Variants in FGFR3 observed in about 807,000 individuals in gnomAD.
The protein encoded by FGFR3 is FGFR-3.
Under a neutral mutation model 82.9 loss-of-function variants are expected in FGFR3, and 25 were observed. The observed-to-expected ratio is 0.30, with a 90% confidence interval of 0.22 to 0.42. The LOEUF is 0.42. FGFR3 is among the 10% of genes least tolerant of loss of function. The pLI, the probability that FGFR3 is intolerant of heterozygous loss-of-function variation, is 1.00. For missense variants in FGFR3, 1,026 were observed against 1,161.0 expected, an observed-to-expected ratio of 0.88 and a Z score of 1.69; for synonymous variants, 620 against 516.0, an observed-to-expected ratio of 1.20 and a Z score of -2.73.
chr4:1,803,210 C>T, intron 7 of FGFR3: 1 of 995,758 alleles, frequency 1.0e-6, no homozygotes, highest in South Asian at 2.2e-5. Context: ...AGGCTGGCAG[C>T]TCCAGCCTCC....
At chr4:1,802,636 G>C (rs1333692800) in intron 7 of FGFR3, among the ~76,000 whole-genome samples, 2 of 152,132 alleles carry the variant, frequency 1.3e-5, no homozygotes, top group East Asian at 3.9e-4. Context: ...GCCGCCTCGG[G>C]CCCTGTCCAG....
intron 8 of FGFR3, among the ~76,000 whole-genome samples, 169 bp downstream of exon 8, chr4:1,804,005 G>A (rs553488866): frequency 6.3e-4 from 96 of 152,322 alleles, no homozygotes; most frequent in African/African-American, 2.1e-3. Flanking sequence ...GGCCTGGCCC[G>A]GTCCTGGTCC....
chr4:1,802,654 G>T (rs1316005264), intron 7 of FGFR3, among the ~76,000 whole-genome samples: 1 of 152,038 alleles, frequency 6.6e-6, no homozygotes, highest in Non-Finnish European at 1.5e-5. Flanking sequence ...CAGGGTGCAG[G>T]TTCTGCAAGA....
intron 7 of FGFR3, chr4:1,802,777 C>T: frequency 8.8e-7 from 1 of 1,141,956 alleles, no homozygotes; most frequent in Non-Finnish European, 1.2e-6. Flanking sequence ...TGAAGTGCCT[C>T]CACGCCTCCT....
In FGFR3 at chr4:1,807,173, C is replaced by CCCAGCT. The variant is rs1400426017; in HGVS notation, c.2341_2346dup (p.Ser782_Ser783dup). On this transcript the variant is annotated inframe_insertion, in exon 18 of 18. Coordinates refer to ENST00000440486, the MANE Select transcript of FGFR3 (RefSeq NM_000142.5). ...GTACTCCCCGGGTGGCCAGGACACCCCCAGCTCCAGCTCCTCAGGGGACGA... is the reference window on the plus strand; with the variant it reads ...GTACTCCCCGGGTGGCCAGGACACCCCCAGCTCCAGCTCCAGCTCCTCAGGGGACGA... 3.1e-6 allele frequency: 5 copies of CCCAGCT among 1,603,398 alleles called. No homozygotes were observed. Among genetic ancestry groups the CCCAGCT allele is most frequent in the Admixed American group, 1.7e-5 (1 of 59,070 alleles).
chr4:1,803,305 A>C (rs1314938621), intron 7 of FGFR3, among the ~76,000 whole-genome samples: 2 of 151,698 alleles, frequency 1.3e-5, no homozygotes, highest in African/African-American at 4.8e-5. Context: ...CCCGGTGCCC[A>C]CCGGGCCGGC....
Position 1,805,812 on chromosome 4 carries a change from C to T in FGFR3, c.1708C>T (p.Arg570Trp). ...KGNLREFLRA[R>W]RPPGLDYSFD... is the part of the protein sequence containing the mutation. The stretch of plus-strand genomic sequence containing the variant: ...TAACCTGCGGGAGTTTCTGCGGGCG[C>T]GGCGGCCCCCGGGCCTGGACTACTC... Residue 570 changes from arginine (R) to tryptophan (W), a missense_variant, in exon 13 of 18, where the codon CGG (arginine) becomes TGG (tryptophan). Physicochemically the swap from Arg to Trp is moderately radical, Grantham distance 101. Transcript: ENST00000440486. 4.3e-6 allele frequency: 7 copies of T among 1,612,342 alleles called. No homozygotes were observed. Among genetic ancestry groups the T allele is most frequent in the East Asian group, 2.2e-5 (1 of 44,866 alleles).
chr4:1,803,572 G>A (rs1448424278), intron 7 of FGFR3, 120 bp from the exon 8 acceptor site: 3 of 1,503,230 alleles, frequency 2.0e-6, no homozygotes, highest in Admixed American at 4.1e-5. Flanking sequence ...GTTGGCGGTG[G>A]CTGAGGAGTT....
rs918827723 is a variant in FGFR3, at chr4:1,807,827, C to T, written c.*565C>T. 13 of 458,160 alleles carry T rather than the reference C, an allele frequency of 2.8e-5. No individual in the cohort carries two copies. The highest frequency in any genetic ancestry group is 4.8e-4 in the Middle Eastern group (1 of 2,084). 28.4% of individuals were successfully genotyped at this position (458,160 alleles called of 1,614,324 possible). ...GGGTACCTGAAGATGGGAGCCTTTA[C>T]CTTTTATGCAAAAGGTTTATTCCGG... On this transcript the variant is annotated 3_prime_UTR_variant, in exon 18 of 18. Coordinates refer to ENST00000440486, the MANE Select transcript of FGFR3 (RefSeq NM_000142.5).
In FGFR3 at chr4:1,805,614, G is replaced by A. The variant is rs1362877457; in HGVS notation, c.1590G>A (p.Lys530=). The change falls in exon 12 of 18, where the codon AAG becomes AAA. Residue 530 remains lysine, a synonymous_variant. Transcript: ENST00000440486. ...TGGTGTCTGAGATGGAGATGATGAA[G>A]ATGATCGGGAAACACAAAAACATCA... ...SDLVSEMEMM[K]MIGKHKNIIN... The A allele has an allele frequency of 3.1e-6, 5 of 1,613,404 alleles. No individual in the cohort carries two copies. The highest frequency in any genetic ancestry group is 4.2e-6 in the Non-Finnish European group (5 of 1,179,816).
intron 2 of FGFR3, 81 bp from the exon 3 acceptor site, chr4:1,799,173 C>T (rs1433545790): frequency 1.5e-5 from 24 of 1,597,308 alleles, no homozygotes; most frequent in Middle Eastern, 2.2e-4. Flanking sequence ...CACTCAGGGC[C>T]GCCGAGGCTT....
rs764459020 is a variant in FGFR3, at chr4:1,807,283, A to ATG, written c.*24_*25dup. On this transcript the variant is annotated 3_prime_UTR_variant, in exon 18 of 18. Transcript: ENST00000440486. The stretch of plus-strand genomic sequence containing the variant: ...CGTGAAGGGCCACTGGTCCCCAACA[A>ATG]TGTGAGGGGTCCCTAGCAGCCCACC... 3 of 1,582,402 alleles carry ATG rather than the reference A, an allele frequency of 1.9e-6. No individual in the cohort carries two copies. The highest frequency in any genetic ancestry group is 2.6e-6 in the Non-Finnish European group (3 of 1,167,752).
chr4:1,794,054 A>T lies in FGFR3; in HGVS notation c.109+11A>T. 1 of 1,374,410 alleles carries T rather than the reference A, an allele frequency of 7.3e-7. No individual in the cohort carries two copies. The highest frequency in any genetic ancestry group is 1.5e-5 in the African/African-American group (1 of 66,740). 85.1% of individuals were successfully genotyped at this position (1,374,410 alleles called of 1,614,324 possible). ...TGGGGCGAGCGGCAGGTAAGAAGGGACCCACTAGGCACGGGAGAGGCCGGC... is the reference window on the plus strand; with the variant it reads ...TGGGGCGAGCGGCAGGTAAGAAGGGTCCCACTAGGCACGGGAGAGGCCGGC... On this transcript the variant is annotated intron_variant, in intron 2 of 17. Transcript: ENST00000440486.
At position 1,807,837 on chromosome 4, in the gene FGFR3, A is replaced by G. The variant is rs1298710279; in HGVS notation, c.*575A>G. The stretch of plus-strand genomic sequence containing the variant: ...AGATGGGAGCCTTTACCTTTTATGC[A>G]AAAGGTTTATTCCGGAAACTAGTGT... On this transcript the variant is annotated 3_prime_UTR_variant, in exon 18 of 18. Coordinates refer to ENST00000440486, the MANE Select transcript of FGFR3 (RefSeq NM_000142.5). 1.8e-5 allele frequency: 8 copies of G among 445,154 alleles called. No homozygotes were observed. The highest frequency in any genetic ancestry group is 3.0e-5 in the Non-Finnish European group (7 of 234,260). 27.6% of individuals were successfully genotyped at this position (445,154 alleles called of 1,614,324 possible). A position where few individuals can be genotyped will look rare whatever the true frequency, so the allele number is the denominator to read the frequency against.
intron 2 of FGFR3, among the ~76,000 whole-genome samples, chr4:1,794,455 C>T (rs552984687): frequency 6.6e-6 from 1 of 152,214 alleles, no homozygotes; most frequent in Admixed American, 6.5e-5. Context: ...CCAGCTTCGG[C>T]CAAGGCGAGA....
At chr4:1,802,066 C>T (rs1437120797) in intron 7 of FGFR3, 41 bp downstream of exon 7, 2 of 1,587,634 alleles carry the variant, frequency 1.3e-6, no homozygotes, top group Non-Finnish European at 1.7e-6. Flanking sequence ...GCTGGGGCTC[C>T]TGGGCTGGCC....
Position 1,799,271 on chromosome 4 carries a change from C to T in FGFR3, c.127C>T (p.Pro43Ser), listed in dbSNP as rs773786734. The change falls in exon 3 of 18, where the codon CCC (proline) becomes TCC (serine). Residue 43 changes from proline (P) to serine (S), a missense_variant. Physicochemically the swap from Pro to Ser is moderately conservative, Grantham distance 74. Around this residue, in one of 9 missense-constraint regions of FGFR3, gnomAD observed 226 missense variants for 222.0 expected, o/e 1.02. Transcript: ENST00000440486. Reference sequence around the variant, plus strand: ...CCCCACAGAAGTCCCGGGCCCAGAGCCCGGCCAGCAGGAGCAGTTGGTCTT... The same window carrying T: ...CCCCACAGAAGTCCCGGGCCCAGAGTCCGGCCAGCAGGAGCAGTTGGTCTT... ...GRAAEVPGPE[P>S]GQQEQLVFGS... 3.7e-6 allele frequency: 6 copies of T among 1,612,486 alleles called. No individual in the cohort carries two copies. The highest frequency in any genetic ancestry group is 1.3e-5 in the African/African-American group (1 of 74,934).
rs1721376406 is a variant in FGFR3, at chr4:1,802,924, G to T, written c.931-768G>T. 3 of 1,599,598 alleles carry T rather than the reference G, an allele frequency of 1.9e-6. No individual in the cohort carries two copies. In the East Asian group the frequency reaches 6.9e-5, roughly 37 times the overall value. ...CTCTTGTCCCCGCAGTCCTGGATCA[G>T]TGAGAGTGTGGAGGCCGACGTGCGC... On this transcript the variant is annotated intron_variant, in intron 7 of 17. Coordinates refer to ENST00000440486, the MANE Select transcript of FGFR3 (RefSeq NM_000142.5).
intron 8 of FGFR3, 103 bp from the exon 9 acceptor site, chr4:1,804,227 C>T (rs2108795324): frequency 1.5e-6 from 2 of 1,344,524 alleles, no homozygotes; most frequent in East Asian, 2.3e-5. Flanking sequence ...GTTCTGAGCC[C>T]CCTTCCGCTC....
Sources: gnomAD v4.1 joint callset for allele counts (sites outside exome capture counted in the v4.1 genomes callset) on GRCh38, gnomAD v4.1.1 for gene constraint, gnomAD v4.1.1 regional missense constraint, MANE v1.5 for transcripts, NCBI Gene and HGNC (gene_info 2026-07-23, HGNC 2026-07-21) for gene names.